Variants in NRBP2 observed in about 807,000 individuals in gnomAD.
NRBP2 encodes nuclear receptor binding protein 2.
A neutral mutation model predicts 74.4 loss-of-function variants in NRBP2; 47 were observed. That is an observed-to-expected ratio of 0.63 (90% confidence interval 0.50 to 0.81). The LOEUF is 0.81. Ranked by LOEUF, NRBP2 falls within the 30% of genes least tolerant of loss-of-function variation. The pLI, the probability that NRBP2 is intolerant of heterozygous loss-of-function variation, is 0.00. For missense variants in NRBP2, 613 were observed against 690.1 expected, an observed-to-expected ratio of 0.89 and a Z score of 1.25; for synonymous variants, 312 against 273.8, an observed-to-expected ratio of 1.14 and a Z score of -1.38.
chr8:143,832,365 G>C (rs1249688214), downstream of NRBP2, among the ~76,000 whole-genome samples: 2 of 152,024 alleles, frequency 1.3e-5, no homozygotes, highest in African/African-American at 4.8e-5. Flanking sequence ...ATATGGCCTC[G>C]TGGGATGGGA....
rs1554652176 is a variant in NRBP2, at chr8:143,837,432, G to A, written c.1051C>T (p.Pro351Ser). Residue 351 changes from proline (P) to serine (S), a missense_variant, in exon 12 of 18, where the codon CCC becomes TCC. By Grantham distance (74) the Pro-to-Ser change is moderately conservative (BLOSUM62 -1). Around this residue, in one of 2 missense-constraint regions of NRBP2, gnomAD observed 281 missense variants for 260.9 expected, o/e 1.08. Transcript: ENST00000442628. This position sits in a 1 kb window ranked among gnomAD's most constrained non-coding sequence, Gnocchi z 4.3. The stretch of plus-strand genomic sequence containing the variant: ...CGCCACTGCAGCGGGGGCCTGCGGG[G>A]CCGGGGAAGCTCCGCCAAGACCGCG... ...LHAVLAELPR[P>S]RRPPLQWRYS... The A allele has an allele frequency of 3.1e-6, 5 of 1,606,752 alleles. No individual in the cohort carries two copies. In the South Asian group the frequency reaches 3.3e-5, roughly 11 times the overall value.
Position 143,839,188 on chromosome 8 carries a change from G to A in NRBP2, c.588C>T (p.His196=). ...NGLIKIGSVW[H]RIFSNALPDD... is the part of the protein sequence containing the mutation. ...CGCACTTACCATTGGAGAAGATTCG[G>A]TGCCACACTGCCAAGGGGCGGGAGA... Residue 196 remains histidine, a synonymous_variant, in exon 7 of 18, where the codon CAC becomes CAT. Coordinates refer to ENST00000442628, the MANE Select transcript of NRBP2 (RefSeq NM_178564.4). The surrounding 1 kb of genome is among the most constrained non-coding windows in gnomAD (Gnocchi z 5.1). 4 of 1,529,310 alleles carry A rather than the reference G, an allele frequency of 2.6e-6. No individual in the cohort carries two copies. Among genetic ancestry groups the A allele is most frequent in the Non-Finnish European group, 2.6e-6 (3 of 1,142,272 alleles). 94.7% of individuals were successfully genotyped at this position (1,529,310 alleles called of 1,614,324 possible). A position where few individuals can be genotyped will look rare whatever the true frequency, so the allele number is the denominator to read the frequency against.
In NRBP2 at chr8:143,835,868, G is replaced by A. The variant is rs1422385995; in HGVS notation, c.1389C>T (p.Ser463=). ...QLTYDLLPTD[S]AQDLASELVH... ...CGAGCTCCGAGGCGAGGTCCTGGGCGCTGTCCGCTGAGGCAATGGCGTAAG... is the reference window on the plus strand; with the variant it reads ...CGAGCTCCGAGGCGAGGTCCTGGGCACTGTCCGCTGAGGCAATGGCGTAAG... Residue 463 remains serine, a synonymous_variant, in exon 17 of 18, where the codon AGC becomes AGT. Transcript: ENST00000442628. The surrounding 1 kb of genome is among the most constrained non-coding windows in gnomAD (Gnocchi z 4.9). 1.9e-5 allele frequency: 31 copies of A among 1,598,834 alleles called. No individual in the cohort carries two copies. The highest frequency in any genetic ancestry group is 9.0e-5 in the East Asian group (4 of 44,416).
Position 143,835,586 on chromosome 8 carries a change from C to A in NRBP2, c.*76G>T. ...CCAGGCGCATGGAGGAGGGCAGCCCCACGGTGCTGGAGTCTCCCCAACATG... is the reference window on the plus strand; with the variant it reads ...CCAGGCGCATGGAGGAGGGCAGCCCAACGGTGCTGGAGTCTCCCCAACATG... On this transcript the variant is annotated 3_prime_UTR_variant, in exon 18 of 18. Transcript: ENST00000442628. The surrounding 1 kb of genome is among the most constrained non-coding windows in gnomAD (Gnocchi z 4.9). 1 of 1,255,204 alleles carries A rather than the reference C, an allele frequency of 8.0e-7. No individual in the cohort carries two copies. The highest frequency in any genetic ancestry group is 2.5e-5 in the East Asian group (1 of 40,644). 77.8% of individuals were successfully genotyped at this position (1,255,204 alleles called of 1,614,324 possible).
At position 143,835,913 on chromosome 8, in the gene NRBP2, C is replaced by T. The variant is rs1563858599; in HGVS notation, c.1382-38G>A. Reference sequence around the variant, plus strand: ...CGTAAGGCGAGGCATGAGGCCGCTGCCCACCCGCCGCCTGGGGTCACCGCC... The same window carrying T: ...CGTAAGGCGAGGCATGAGGCCGCTGTCCACCCGCCGCCTGGGGTCACCGCC... On this transcript the variant is annotated intron_variant, in intron 16 of 17. Transcript: ENST00000442628. The surrounding 1 kb of genome is among the most constrained non-coding windows in gnomAD (Gnocchi z 4.9). 3 of 1,594,398 alleles carry T rather than the reference C, an allele frequency of 1.9e-6. No homozygotes were observed. The African/African-American group carries it at 4.0e-5, about 21-fold the overall frequency.
rs1032088123 is a variant in NRBP2 at position 143,839,220 on chromosome 8, G to T, written c.581-25C>A. On this transcript the variant is annotated intron_variant, in intron 6 of 17. Coordinates refer to ENST00000442628, the MANE Select transcript of NRBP2 (RefSeq NM_178564.4). The surrounding 1 kb of genome is among the most constrained non-coding windows in gnomAD (Gnocchi z 5.1). ...ACTGCCAAGGGGCGGGAGAAAGAGT[G>T]GAGTTAGCTGCTGGGGCATCAGAAC... The T allele has an allele frequency of 2.0e-6, 3 of 1,531,812 alleles. No homozygotes were observed. Among genetic ancestry groups the T allele is most frequent in the Non-Finnish European group, 2.6e-6 (3 of 1,143,552 alleles). The allele number at this position is 1,531,812 out of a possible 1,614,324, so 94.9% of individuals were successfully genotyped here. A position where few individuals can be genotyped will look rare whatever the true frequency, so the allele number is the denominator to read the frequency against.
In NRBP2 at chr8:143,835,603, C is replaced by A; in HGVS notation, c.*59G>T. ...GGCAGCCCCACGGTGCTGGAGTCTC[C>A]CCAACATGGCCTGCCCAGGCAGCAC... On this transcript the variant is annotated 3_prime_UTR_variant, in exon 18 of 18. Transcript: ENST00000442628. The surrounding 1 kb of genome is among the most constrained non-coding windows in gnomAD (Gnocchi z 4.9). 7.0e-7 allele frequency: 1 copy of A among 1,432,736 alleles called. No homozygotes were observed. Among genetic ancestry groups the A allele is most frequent in the Non-Finnish European group, 9.4e-7 (1 of 1,059,116 alleles). The allele number at this position is 1,432,736 out of a possible 1,614,324, so 88.8% of individuals were successfully genotyped here.
At chr8:143,838,270 T>C (rs1215925417) in intron 10 of NRBP2, among the ~76,000 whole-genome samples, 2 of 152,194 alleles carry the variant, frequency 1.3e-5, no homozygotes, top group Non-Finnish European at 2.9e-5. Flanking sequence ...GCACCCACCA[T>C]GTCCCCCCAC....
chr8:143,830,473 G>A (rs116132128), downstream of NRBP2, among the ~76,000 whole-genome samples: 518 of 152,384 alleles, frequency 3.4e-3, 2 homozygotes, highest in African/African-American at 0.012. Flanking sequence ...GAGTAAGTGA[G>A]ACTCTGGGTC....
chr8:143,840,218 C>G lies in NRBP2; in HGVS notation c.141G>C (p.Gly47=). The part of the protein sequence containing the change: ...WQKRREQVNQ[G]NMPGLQSTFL... ...AGGTGCTCTGAAGCCCTGGCATGTT[C>G]CCTTGGTTTACCTGGGGGTGAATAA... The change falls in exon 2 of 18, where the codon GGG becomes GGC. Residue 47 remains glycine, a synonymous_variant. Coordinates refer to ENST00000442628, the MANE Select transcript of NRBP2 (RefSeq NM_178564.4). The surrounding 1 kb of genome is among the most constrained non-coding windows in gnomAD (Gnocchi z 5.7). 1.3e-6 allele frequency: 2 copies of G among 1,536,032 alleles called. No homozygotes were observed. The highest frequency in any genetic ancestry group is 1.7e-6 in the Non-Finnish European group (2 of 1,146,846).
At chr8:143,836,693 A>AGGG (rs1818409842) in intron 14 of NRBP2, among the ~76,000 whole-genome samples, 1 of 2,338 alleles carries the variant, frequency 4.3e-4, no homozygotes, top group African/African-American at 1.4e-3. Flanking sequence ...GGGGGATGGG[A>AGGG]GGGGTGGGGG....
Position 143,840,554 on chromosome 8 carries a change from G to A in NRBP2, c.129+152C>T, listed in dbSNP as rs1818648897. The A allele has an allele frequency of 2.5e-6, 2 of 792,958 alleles. No homozygotes were observed. Among genetic ancestry groups the A allele is most frequent in the South Asian group, 4.0e-5 (2 of 49,984 alleles). 49.1% of individuals were successfully genotyped at this position (792,958 alleles called of 1,614,324 possible). On this transcript the variant is annotated intron_variant, in intron 1 of 17. Coordinates refer to ENST00000442628, the MANE Select transcript of NRBP2 (RefSeq NM_178564.4). This position sits in a 1 kb window ranked among gnomAD's most constrained non-coding sequence, Gnocchi z 5.7. ...CCCAGGGCGAGCGCCAGGCCAAAGG[G>A]GTCCAGGGGTGGCTGATTCGCGGGC...
At position 143,837,556 on chromosome 8, in the gene NRBP2, T is replaced by C; in HGVS notation, c.974-47A>G. ...GGCGGTGTGCTCAGGCCGTGGGTCC[T>C]GCAGGGCCCCTTCCACGTCCCAACC... is the stretch of plus-strand genomic sequence containing the variant. On this transcript the variant is annotated intron_variant, in intron 11 of 17. Transcript: ENST00000442628. This position sits in a 1 kb window ranked among gnomAD's most constrained non-coding sequence, Gnocchi z 4.3. 2 of 1,595,514 alleles carry C rather than the reference T, an allele frequency of 1.3e-6. No individual in the cohort carries two copies. The highest frequency in any genetic ancestry group is 2.3e-5 in the South Asian group (2 of 88,198).
chr8:143,840,116 C>G lies in NRBP2; in HGVS notation c.243G>C (p.Ala81=), dbSNP rs1470463748. The change falls in exon 2 of 18, where the codon GCG becomes GCC. Residue 81 remains alanine, a synonymous_variant. Coordinates refer to ENST00000442628, the MANE Select transcript of NRBP2 (RefSeq NM_178564.4). This position sits in a 1 kb window ranked among gnomAD's most constrained non-coding sequence, Gnocchi z 5.7. ...ELHFGDRKAF[A]AHEEKIQTVF... ...GGGGCAGCGGTCTCACCTCGTGCGC[C>G]GCGAAGGCCTTCCTGTCTCCGAAGT... The G allele has an allele frequency of 1.3e-6, 2 of 1,536,014 alleles. No homozygotes were observed. The highest frequency in any genetic ancestry group is 1.7e-6 in the Non-Finnish European group (2 of 1,146,900).
At chr8:143,830,615 G>A (rs934134552), downstream of NRBP2, among the ~76,000 whole-genome samples, 2 of 152,244 alleles carry the variant, frequency 1.3e-5, no homozygotes, top group Non-Finnish European at 2.9e-5. Context: ...GGGGTAGAGT[G>A]TTGCCCAGTA....
chr8:143,835,881 G>A lies in NRBP2; in HGVS notation c.1382-6C>T, dbSNP rs782347061. On this transcript the variant is annotated splice_polypyrimidine_tract_variant and splice_region_variant and intron_variant, in intron 16 of 17. Coordinates refer to ENST00000442628, the MANE Select transcript of NRBP2 (RefSeq NM_178564.4). This position sits in a 1 kb window ranked among gnomAD's most constrained non-coding sequence, Gnocchi z 4.9. ...GAGGTCCTGGGCGCTGTCCGCTGAG[G>A]CAATGGCGTAAGGCGAGGCATGAGG... 1.2e-5 allele frequency: 20 copies of A among 1,602,988 alleles called. No individual in the cohort carries two copies. Among genetic ancestry groups the A allele is most frequent in the Admixed American group, 3.4e-5 (2 of 59,460 alleles).
chr8:143,838,550 G>C, intron 10 of NRBP2, 130 bp downstream of exon 10: 2 of 679,490 alleles, frequency 2.9e-6, no homozygotes, highest in East Asian at 5.5e-5. Context: ...CTCTTTGGGA[G>C]GGGTGCAGTC....
downstream of NRBP2, among the ~76,000 whole-genome samples, chr8:143,832,645 A>G (rs1328247971): frequency 6.6e-6 from 1 of 152,254 alleles, no homozygotes; most frequent in Non-Finnish European, 1.5e-5. Flanking sequence ...TGCATATCTA[A>G]AAGCACAGCA....
chr8:143,839,702 TG>T lies in NRBP2; in HGVS notation c.444+33del. ...CCCCGAGGCTGCCCCAACCCCGTCC[TG>T]TCCCCGTGGCTGCCCCAGCCCGCTC... is the stretch of plus-strand genomic sequence containing the variant. On this transcript the variant is annotated intron_variant, in intron 4 of 17. Transcript: ENST00000442628. The surrounding 1 kb of genome is among the most constrained non-coding windows in gnomAD (Gnocchi z 5.1). 6.5e-7 allele frequency: 1 copy of T among 1,533,400 alleles called. No individual in the cohort carries two copies. Among genetic ancestry groups the T allele is most frequent in the Non-Finnish European group, 8.7e-7 (1 of 1,145,976 alleles). 95.0% of individuals were successfully genotyped at this position (1,533,400 alleles called of 1,614,324 possible).
Sources: gnomAD v4.1 joint callset for allele counts (sites outside exome capture counted in the v4.1 genomes callset) on GRCh38, gnomAD v4.1.1 for gene constraint, gnomAD v4.1.1 regional missense constraint, Gnocchi (gnomAD v3.1) non-coding constraint, MANE v1.5 for transcripts, NCBI Gene and HGNC (gene_info 2026-07-23, HGNC 2026-07-21) for gene names.